SLC25A28: variants seen among roughly 807,000 people sequenced by gnomAD.
The protein encoded by SLC25A28 is mitoferrin-2.
In SLC25A28, 10 loss-of-function variants were observed where a neutral mutation model predicts 31.9. The observed-to-expected ratio is 0.31, with a 90% CI of 0.19 to 0.53. The LOEUF (loss-of-function observed/expected upper bound fraction) is 0.53, where lower values mean the gene tolerates loss of function less well. Among genes scored for constraint, SLC25A28 ranks in the 20% least tolerant of loss-of-function variants. The pLI, the probability that SLC25A28 is intolerant of heterozygous loss-of-function variation, is 0.95. For missense variants in SLC25A28, 256 were observed against 490.3 expected (o/e 0.52, Z 4.51); for synonymous variants, 208 against 203.6 (o/e 1.02, Z -0.19).
At chr10:99,618,223 A>C in intron 1 of SLC25A28, 1 of 937,190 alleles carries the variant, frequency 1.1e-6, no homozygotes, top group Non-Finnish European at 1.3e-6. Context: ...TAGCAACAAT[A>C]GCACTATGTA....
intron 1 of SLC25A28, chr10:99,615,890 C>A: frequency 1.0e-6 from 1 of 985,376 alleles, no homozygotes; most frequent in African/African-American, 1.7e-5. Context: ...CAATTCTGAA[C>A]GGTTTGGCTT....
At chr10:99,656,468 TATG>T in the SLC25A28 span, among the ~76,000 whole-genome samples, 1 of 152,192 alleles carries the variant, frequency 6.6e-6, no homozygotes, top group South Asian at 2.1e-4. Flanking sequence ...TTTGGGTGGA[TATG>T]ATGAGAGTGG....
At chr10:99,615,857 C>T (rs1268669701) in intron 1 of SLC25A28, 3 of 985,290 alleles carry the variant, frequency 3.0e-6, no homozygotes, top group Non-Finnish European at 3.6e-6. Context: ...TGCTCTGCTG[C>T]AGTCAATGGT....
chr10:99,636,908 G>A, the SLC25A28 span, among the ~76,000 whole-genome samples: 3 of 152,116 alleles, frequency 2.0e-5, no homozygotes, highest in Non-Finnish European at 4.4e-5. Context: ...CCACAAGATA[G>A]AGAAAGAGAG....
the SLC25A28 span, among the ~76,000 whole-genome samples, chr10:99,637,117 G>A: frequency 6.6e-6 from 1 of 152,236 alleles, no homozygotes; most frequent in South Asian, 2.1e-4. Context: ...TCATACCAGG[G>A]ATGCAGAGAT....
chr10:99,620,393 G>T lies in SLC25A28; in HGVS notation c.-58C>A. 3.3e-5 allele frequency: 33 copies of T among 987,086 alleles called. No individual in the cohort carries two copies. Among genetic ancestry groups the T allele is most frequent in the Non-Finnish European group, 3.9e-5 (33 of 841,880 alleles). 61.1% of individuals were successfully genotyped at this position (987,086 alleles called of 1,614,324 possible). A position where few individuals can be genotyped will look rare whatever the true frequency, so the allele number is the denominator to read the frequency against. ...CGCCGCTGCCACCACTGCCGCCGCCGCCCCCCGGCCCCGTAGTGTCCGCCT... is the reference window on the plus strand; with the variant it reads ...CGCCGCTGCCACCACTGCCGCCGCCTCCCCCCGGCCCCGTAGTGTCCGCCT... On this transcript the variant is annotated 5_prime_UTR_variant, in exon 1 of 4. Transcript: ENST00000370495.
At position 99,614,246 on chromosome 10, in the gene SLC25A28, C is replaced by A. The variant is rs376646494; in HGVS notation, c.292-322G>T. 1.7e-3 allele frequency among the ~76,000 whole-genome samples: 252 copies of A among 152,260 alleles called. 1 individual carries two copies. The highest frequency in any genetic ancestry group is 5.4e-3 in the African/African-American group (225 of 41,544). The stretch of plus-strand genomic sequence containing the variant: ...CTGTGTTTCAGAAGTTGCTTTTGTG[C>A]CTTAATACACTCAAGCTGACAGTTC... On this transcript the variant is annotated intron_variant, in intron 1 of 3. Coordinates refer to ENST00000370495, the MANE Select transcript of SLC25A28 (RefSeq NM_031212.4).
chr10:99,631,875 G>GTTGTT, the SLC25A28 span, among the ~76,000 whole-genome samples: 1 of 91,976 alleles, frequency 1.1e-5, no homozygotes, highest in Non-Finnish European at 2.2e-5. Context: ...CGCTCAGTAT[G>GTTGTT]TTATTTTTTT....
chr10:99,642,496 A>C, the SLC25A28 span, among the ~76,000 whole-genome samples: 2 of 152,150 alleles, frequency 1.3e-5, no homozygotes, highest in Admixed American at 6.6e-5. Context: ...CTAAATATAC[A>C]ATCATGTCAT....
chr10:99,634,183 C>T, the SLC25A28 span, among the ~76,000 whole-genome samples: 6 of 152,180 alleles, frequency 3.9e-5, no homozygotes, highest in African/African-American at 1.4e-4. Context: ...CTGGCAGAGC[C>T]TACCCAAATG....
chr10:99,624,286 G>T (rs187065822), upstream of SLC25A28, among the ~76,000 whole-genome samples: 2 of 142,022 alleles, frequency 1.4e-5, no homozygotes, highest in African/African-American at 5.3e-5. Flanking sequence ...GTAGAGACAG[G>T]GTCTTGCTAT....
At chr10:99,618,261 C>T (rs558418710) in intron 1 of SLC25A28, 139 of 980,870 alleles carry the variant, frequency 1.4e-4, no homozygotes, top group South Asian at 1.3e-3. Flanking sequence ...GATAACCTCC[C>T]GTTCTGTTAT....
intron 1 of SLC25A28, chr10:99,615,419 C>T (rs980808666): frequency 1.0e-6 from 1 of 983,210 alleles, no homozygotes; most frequent in Non-Finnish European, 1.2e-6. Flanking sequence ...AGAGTAATAC[C>T]TTTCCTCAAG....
At chr10:99,651,692 A>G in the SLC25A28 span, among the ~76,000 whole-genome samples, 124 of 149,394 alleles carry the variant, frequency 8.3e-4, no homozygotes, top group Non-Finnish European at 1.5e-3. Flanking sequence ...CCGGGCTCAC[A>G]TGATCCTCTC....
chr10:99,618,548 T>C, intron 1 of SLC25A28: 9 of 985,392 alleles, frequency 9.1e-6, no homozygotes, highest in Non-Finnish European at 1.1e-5. Flanking sequence ...TGTGTGCATC[T>C]TTTTTATTTA....
chr10:99,639,280 A>G, the SLC25A28 span, among the ~76,000 whole-genome samples: 2 of 151,272 alleles, frequency 1.3e-5, no homozygotes, highest in Non-Finnish European at 2.9e-5. Flanking sequence ...GTGGGAGCTA[A>G]GCTGTGAGGA....
At chr10:99,626,746 T>C in the SLC25A28 span, among the ~76,000 whole-genome samples, 2 of 151,932 alleles carry the variant, frequency 1.3e-5, no homozygotes, top group African/African-American at 4.8e-5. Flanking sequence ...CCATGTGGGA[T>C]ATTCTGTGTA....
In SLC25A28 at chr10:99,610,903, C is replaced by T. The variant is rs551059147; in HGVS notation, c.1041G>A (p.Glu347=). Residue 347 remains glutamate (E), a synonymous_variant, in exon 4 of 4, where the codon GAG becomes GAA. Coordinates refer to ENST00000370495, the MANE Select transcript of SLC25A28 (RefSeq NM_031212.4). ...PSTAIAWSVY[E]FFKYLITKRQ... ...TTTTAGTGATTAGGTATTTGAAGAA[C>T]TCATACACAGACCATGCGATGGCTG... 6.2e-7 allele frequency: 1 copy of T among 1,614,220 alleles called. No individual in the cohort carries two copies. Among genetic ancestry groups the T allele is most frequent in the South Asian group, 1.1e-5 (1 of 91,086 alleles).
the SLC25A28 span, among the ~76,000 whole-genome samples, chr10:99,652,700 T>A: frequency 1.5e-3 from 235 of 152,290 alleles, no homozygotes; most frequent in African/African-American, 5.5e-3. Context: ...GTTCAAGTAC[T>A]ACGGGCTTTT....
Sources: gnomAD v4.1 joint callset for allele counts (sites outside exome capture counted in the v4.1 genomes callset) on GRCh38, gnomAD v4.1.1 for gene constraint, MANE v1.5 for transcripts, NCBI Gene and HGNC (gene_info 2026-07-23, HGNC 2026-07-21) for gene names.